SLC9B1: variants seen among roughly 807,000 people sequenced by gnomAD.
The protein encoded by SLC9B1 is sodium/hydrogen exchanger 9B1.
Under a neutral mutation model 51.7 loss-of-function variants are expected in SLC9B1, and 32 were observed. The ratio of observed to expected loss-of-function variants is 0.62; its 90% CI spans 0.47 to 0.83. SLC9B1 has a LOEUF of 0.83. Ranked by LOEUF, SLC9B1 falls within the 40% of genes least tolerant of loss-of-function variation. The pLI is 0.00. For synonymous variants in SLC9B1, 145 were observed against 212.7 expected, an observed-to-expected ratio of 0.68 and a Z score of 2.77; for missense variants, 406 against 613.2, an observed-to-expected ratio of 0.66 and a Z score of 3.57.
chr4:102,885,516 A>G (rs1733863186), intron 11 of SLC9B1: 1 of 1,019,620 alleles, frequency 9.8e-7, no homozygotes, highest in African/African-American at 1.6e-5. Context: ...AAGTTCTTTA[A>G]GATGAGAGAA....
At position 102,928,160 on chromosome 4, in the gene SLC9B1, G is replaced by A. The variant is rs1385518998; in HGVS notation, c.829+3964C>T. On this transcript the variant is annotated intron_variant, in intron 7 of 11. Transcript: ENST00000296422. ...TTGATGGGTGCAGCAAACCAACACG[G>A]CACATGTATACCTATGTATCAAACC... is the stretch of plus-strand genomic sequence containing the variant. 3.3e-5 allele frequency among the ~76,000 whole-genome samples: 5 copies of A among 152,134 alleles called. No individual in the cohort carries two copies. The East Asian group carries it at 9.7e-4, about 29-fold the overall frequency.
intron 3 of SLC9B1, among the ~76,000 whole-genome samples, chr4:102,966,150 T>A (rs1268788641): frequency 6.6e-6 from 1 of 152,202 alleles, no homozygotes; most frequent in Non-Finnish European, 1.5e-5. Context: ...GTCCCAGTGG[T>A]GGTCCACTTC....
chr4:102,992,836 C>T (rs1418124394), intron 1 of SLC9B1, among the ~76,000 whole-genome samples: 1 of 152,146 alleles, frequency 6.6e-6, no homozygotes, highest in Non-Finnish European at 1.5e-5. Context: ...GTTGAATTGA[C>T]TCACAGTTCC....
At chr4:102,907,024 A>G (rs1416656652) in intron 9 of SLC9B1, among the ~76,000 whole-genome samples, 1 of 152,226 alleles carries the variant, frequency 6.6e-6, no homozygotes, top group Non-Finnish European at 1.5e-5. Flanking sequence ...TGCCTGGCCT[A>G]AAGTCATTTA....
chr4:102,885,125 A>G (rs1456818579), exon 12 of SLC9B1: 4 of 1,046,512 alleles, frequency 3.8e-6, no homozygotes, highest in Non-Finnish European at 6.0e-6. Context: ...TGTAAAAAGT[A>G]ACAAAGAATA....
chr4:102,919,545 T>C (rs202137159), intron 7 of SLC9B1, among the ~76,000 whole-genome samples: 3 of 151,820 alleles, frequency 2.0e-5, no homozygotes, highest in Admixed American at 6.6e-5. Flanking sequence ...GTTCATCTCA[T>C]TGGGACTGGT....
intron 9 of SLC9B1, among the ~76,000 whole-genome samples, chr4:102,907,740 C>G (rs1735123713): frequency 6.6e-6 from 1 of 152,152 alleles, no homozygotes; most frequent in African/African-American, 2.4e-5. Flanking sequence ...GAGGCATAAA[C>G]TATCTTCATA....
chr4:103,019,609 T>C lies in SLC9B1; in HGVS notation c.-12A>G. 6.1e-6 allele frequency: 6 copies of C among 985,474 alleles called. No individual in the cohort carries two copies. The highest frequency in any genetic ancestry group is 7.2e-6 in the Non-Finnish European group (6 of 829,952). The allele number at this position is 985,474 out of a possible 1,614,324, so 61.0% of individuals were successfully genotyped here. ...AAAAATGGGCCGTACCTACAACTTCTTTCGCAGCCCTCGCTGGCCCGGGAG... is the reference window on the plus strand; with the variant it reads ...AAAAATGGGCCGTACCTACAACTTCCTTCGCAGCCCTCGCTGGCCCGGGAG... On this transcript the variant is annotated 5_prime_UTR_variant, in exon 1 of 12. Transcript: ENST00000296422.
At chr4:102,911,914 C>G (rs1735356903) in intron 7 of SLC9B1, 1 of 182,460 alleles carries the variant, frequency 5.5e-6, no homozygotes, top group Non-Finnish European at 1.1e-5. Flanking sequence ...GGGTGGATTA[C>G]TTGAGGTCAG....
intron 3 of SLC9B1, among the ~76,000 whole-genome samples, chr4:102,970,287 C>G (rs1401740139): frequency 6.6e-6 from 1 of 152,172 alleles, no homozygotes; most frequent in Non-Finnish European, 1.5e-5. Flanking sequence ...AACAGAAGAT[C>G]TCTTGGCAGA....
intron 6 of SLC9B1, chr4:102,941,453 AC>A (rs1411538418): frequency 8.8e-6 from 4 of 455,648 alleles, no homozygotes; most frequent in Admixed American, 7.1e-5. Flanking sequence ...ATACAACCTC[AC>A]AGGAGGCAGA....
intron 1 of SLC9B1, among the ~76,000 whole-genome samples, chr4:103,006,139 A>AAAGATC (rs1393573738): frequency 6.6e-6 from 1 of 152,154 alleles, no homozygotes; most frequent in Non-Finnish European, 1.5e-5. Context: ...AGCAATACAA[A>AAAGATC]AAGATCAAGG....
chr4:102,997,996 T>C (rs2110526155), intron 1 of SLC9B1, among the ~76,000 whole-genome samples: 1 of 152,312 alleles, frequency 6.6e-6, no homozygotes, highest in East Asian at 1.9e-4. Context: ...TTTTAAGCAA[T>C]TTTCCTGTGG....
chr4:103,005,585 A>T (rs200848737), intron 1 of SLC9B1, among the ~76,000 whole-genome samples: 2 of 152,164 alleles, frequency 1.3e-5, no homozygotes, highest in East Asian at 3.8e-4. Context: ...TGGGACCTGC[A>T]CTCAACACTT....
intron 3 of SLC9B1, among the ~76,000 whole-genome samples, chr4:102,982,038 C>T (rs1245386143): frequency 6.6e-6 from 1 of 151,710 alleles, no homozygotes; most frequent in African/African-American, 2.4e-5. Flanking sequence ...GTTTTACATT[C>T]AAGTCTATGA....
chr4:102,960,785 T>G (rs1270042459), intron 3 of SLC9B1, among the ~76,000 whole-genome samples: 1 of 151,172 alleles, frequency 6.6e-6, no homozygotes, highest in Non-Finnish European at 1.5e-5. Flanking sequence ...CAGGCTGGAG[T>G]GCAATGGCAT....
chr4:103,015,521 A>G (rs1434908609), intron 1 of SLC9B1, among the ~76,000 whole-genome samples: 2 of 152,020 alleles, frequency 1.3e-5, no homozygotes, highest in African/African-American at 2.4e-5. Context: ...CTTAGCTCCT[A>G]TTGTCTTTTT....
intron 1 of SLC9B1, among the ~76,000 whole-genome samples, chr4:103,017,432 T>C (rs1043792801): frequency 1.3e-5 from 2 of 152,186 alleles, no homozygotes; most frequent in African/African-American, 4.8e-5. Flanking sequence ...CATGGGTAGA[T>C]TTCCATGGCC....
intron 1 of SLC9B1, among the ~76,000 whole-genome samples, chr4:103,007,979 T>G (rs898585089): frequency 3.9e-5 from 6 of 152,188 alleles, no homozygotes; most frequent in African/African-American, 1.4e-4. Context: ...TATTAGAAAT[T>G]ATGGCCTGCT....
Sources: gnomAD v4.1 joint callset for allele counts (sites outside exome capture counted in the v4.1 genomes callset) on GRCh38, gnomAD v4.1.1 for gene constraint, MANE v1.5 for transcripts, NCBI Gene and HGNC (gene_info 2026-07-23, HGNC 2026-07-21) for gene names.